The following GALNTL6 variants were observed in gnomAD, a reference collection of about 807,000 sequenced individuals.
GALNTL6 encodes polypeptide N-acetylgalactosaminyltransferase-like 6.
Under a neutral mutation model 73.7 loss-of-function variants are expected in GALNTL6, and 46 were observed. The observed-to-expected ratio is 0.62, with a 90% CI of 0.49 to 0.80. GALNTL6 has a LOEUF of 0.80. Among genes scored for constraint, GALNTL6 ranks in the 30% least tolerant of loss-of-function variants. GALNTL6 has a pLI of 0.00. For missense variants in GALNTL6, 604 were observed against 755.0 expected (o/e 0.80, Z 2.34); for synonymous variants, 259 against 263.7 (o/e 0.98, Z 0.17).
intron 12 of GALNTL6, among the ~76,000 whole-genome samples, chr4:173,022,108 AAAGAAG>A (rs1161088877): frequency 7.4e-4 from 108 of 146,526 alleles, no homozygotes; most frequent in Non-Finnish European, 9.2e-4. Flanking sequence ...GGAAGGAAGG[AAAGAAG>A]GAAGGAAGGA....
In GALNTL6 at chr4:171,874,040, C is replaced by A. The variant is rs75368271; in HGVS notation, c.138+59322C>A. ...CAGAATTCTCTCTTTTTATTCATGT[C>A]TTTTTAATCACTGTTTTTTAGTTTC... is the stretch of plus-strand genomic sequence containing the variant. On this transcript the variant is annotated intron_variant, in intron 2 of 12. Transcript: ENST00000506823. Among the ~76,000 whole-genome samples, 217 of 152,264 alleles carry A rather than the reference C, an allele frequency of 1.4e-3. 1 individual carries two copies. Among genetic ancestry groups the A allele is most frequent in the Admixed American group, 9.9e-3 (152 of 15,284 alleles).
chr4:172,539,025 G>T (rs1244308063), intron 5 of GALNTL6, among the ~76,000 whole-genome samples: 1 of 152,178 alleles, frequency 6.6e-6, no homozygotes, highest in Non-Finnish European at 1.5e-5. Flanking sequence ...TTCACTGGAA[G>T]AATGTCATCA....
intron 5 of GALNTL6, among the ~76,000 whole-genome samples, chr4:172,407,510 T>C (rs1384030880): frequency 1.3e-5 from 2 of 152,108 alleles, no homozygotes; most frequent in African/African-American, 4.8e-5. Flanking sequence ...TCATTTCATA[T>C]ATCAATGCTT....
At chr4:171,884,872 A>G (rs1303683635) in intron 2 of GALNTL6, among the ~76,000 whole-genome samples, 2 of 152,074 alleles carry the variant, frequency 1.3e-5, no homozygotes, top group African/African-American at 2.4e-5. Flanking sequence ...CCTGGCCAAC[A>G]TGGTGAAACT....
intron 8 of GALNTL6, among the ~76,000 whole-genome samples, chr4:172,894,575 A>T (rs572746166): frequency 6.6e-6 from 1 of 152,214 alleles, no homozygotes; most frequent in Admixed American, 6.5e-5. Context: ...TAATTTGTTG[A>T]GACTTGTTTT....
chr4:172,384,069 C>T (rs1417016800), intron 5 of GALNTL6, among the ~76,000 whole-genome samples: 1 of 151,938 alleles, frequency 6.6e-6, no homozygotes, highest in Non-Finnish European at 1.5e-5. Context: ...GTATAGTTTT[C>T]TTTTCTTGTG....
intron 5 of GALNTL6, among the ~76,000 whole-genome samples, chr4:172,464,050 T>G (rs1161237211): frequency 6.6e-6 from 1 of 152,146 alleles, no homozygotes; most frequent in Non-Finnish European, 1.5e-5. Context: ...GTTTGTCTTT[T>G]TCTTTTCTTT....
intron 3 of GALNTL6, among the ~76,000 whole-genome samples, chr4:172,273,943 T>A (rs1738745562): frequency 6.6e-6 from 1 of 152,202 alleles, no homozygotes; most frequent in Admixed American, 6.5e-5. Context: ...GTACACATGG[T>A]GATGACATGC....
chr4:172,615,320 A>T (rs933462755), intron 5 of GALNTL6, among the ~76,000 whole-genome samples: 5 of 152,126 alleles, frequency 3.3e-5, no homozygotes, highest in Admixed American at 2.6e-4. Flanking sequence ...TTTTATTAAA[A>T]ATGAATCTCT....
chr4:171,822,124 G>A (rs1468834720), intron 2 of GALNTL6, among the ~76,000 whole-genome samples: 2 of 152,038 alleles, frequency 1.3e-5, no homozygotes, highest in Non-Finnish European at 2.9e-5. Context: ...AAGAAACTGA[G>A]AACTACTTTT....
intron 2 of GALNTL6, among the ~76,000 whole-genome samples, chr4:171,904,616 A>C (rs1445828012): frequency 6.6e-6 from 1 of 152,186 alleles, no homozygotes; most frequent in Non-Finnish European, 1.5e-5. Flanking sequence ...AAGGCAGGCC[A>C]ACATTCAGAT....
chr4:172,644,433 CTT>C (rs1316024642), intron 5 of GALNTL6, among the ~76,000 whole-genome samples: 2 of 151,916 alleles, frequency 1.3e-5, no homozygotes, highest in African/African-American at 4.8e-5. Context: ...ACTATTTTGA[CTT>C]TTCCCATTGT....
chr4:172,223,846 G>A (rs925679892), intron 2 of GALNTL6, among the ~76,000 whole-genome samples: 4 of 152,094 alleles, frequency 2.6e-5, no homozygotes, highest in East Asian at 1.9e-4. Context: ...AAGAATACAA[G>A]TAAGTTTTCT....
chr4:172,415,893 A>G (rs952887951), intron 5 of GALNTL6, among the ~76,000 whole-genome samples: 7 of 152,250 alleles, frequency 4.6e-5, no homozygotes, highest in South Asian at 2.1e-4. Flanking sequence ...TATAAATAAC[A>G]TAACTGGTTA....
intron 5 of GALNTL6, among the ~76,000 whole-genome samples, chr4:172,522,067 A>AT (rs1734792794): frequency 6.6e-6 from 1 of 152,192 alleles, no homozygotes; most frequent in Non-Finnish European, 1.5e-5. Context: ...TGGACTCAAT[A>AT]TAGAGAATGT....
In GALNTL6 at chr4:171,938,340, CTT is replaced by C. The variant is rs1007237321; in HGVS notation, c.138+123623_138+123624del. Among the ~76,000 whole-genome samples the C allele has an allele frequency of 3.8e-4, 58 of 152,220 alleles. 1 individual carries two copies. The highest frequency in any genetic ancestry group is 8.5e-4 in the Admixed American group (13 of 15,282). ...CTGCCTCTTGTTTGAAGTTGTGACTCTTGATTCAACTTTTCTCCCACACTTGA... is the reference window on the plus strand; with the variant it reads ...CTGCCTCTTGTTTGAAGTTGTGACTCGATTCAACTTTTCTCCCACACTTGA... On this transcript the variant is annotated intron_variant, in intron 2 of 12. Coordinates refer to ENST00000506823, the MANE Select transcript of GALNTL6 (RefSeq NM_001034845.3).
intron 8 of GALNTL6, among the ~76,000 whole-genome samples, chr4:172,919,180 C>T (rs1386649120): frequency 6.6e-6 from 1 of 152,048 alleles, no homozygotes; most frequent in Non-Finnish European, 1.5e-5. Context: ...CAGAAACCCA[C>T]CTCATTTTAA....
intron 2 of GALNTL6, among the ~76,000 whole-genome samples, chr4:172,014,408 G>A (rs1398926205): frequency 2.0e-5 from 3 of 151,960 alleles, no homozygotes; most frequent in South Asian, 4.1e-4. Context: ...TTCGATAAAG[G>A]ACATTTTAAC....
rs902619671 is a variant in GALNTL6 at position 172,044,218 on chromosome 4, C to G, written c.139-185438C>G. Among the ~76,000 whole-genome samples, 87 of 152,000 alleles carry G rather than the reference C, an allele frequency of 5.7e-4. 1 individual carries two copies. The highest frequency in any genetic ancestry group is 2.0e-3 in the African/African-American group (84 of 41,532). ...GCCTAAAATTCCTTCTGGGCACTTCCTATTAATACAAAGTCACTATTGATA... is the reference window on the plus strand; with the variant it reads ...GCCTAAAATTCCTTCTGGGCACTTCGTATTAATACAAAGTCACTATTGATA... On this transcript the variant is annotated intron_variant, in intron 2 of 12. Transcript: ENST00000506823.
Sources: allele counts gnomAD v4.1 joint callset (sites outside exome capture counted in the v4.1 genomes callset), GRCh38; gene constraint gnomAD v4.1.1; transcripts MANE v1.5; gene names NCBI Gene and HGNC (gene_info 2026-07-23, HGNC 2026-07-21).